The following LHPP variants were observed in gnomAD, a reference collection of about 807,000 sequenced individuals.
LHPP encodes the protein phospholysine phosphohistidine inorganic pyrophosphate phosphatase.
A neutral mutation model predicts 30.3 loss-of-function variants in LHPP; 24 were observed. The ratio of observed to expected loss-of-function variants is 0.79; its 90% CI spans 0.57 to 1.11. The LOEUF (loss-of-function observed/expected upper bound fraction) is 1.11. Among genes scored for constraint, LHPP ranks in the 50% most tolerant of loss-of-function variants. LHPP has a pLI of 0.00. For missense variants in LHPP, 356 were observed against 367.2 expected (o/e 0.97, Z 0.25); for synonymous variants, 150 against 157.1 (o/e 0.95, Z 0.34).
chr10:124,473,844 C>G (rs1415831088), intron 1 of LHPP, among the ~76,000 whole-genome samples: 1 of 152,064 alleles, frequency 6.6e-6, no homozygotes, highest in Non-Finnish European at 1.5e-5. Context: ...ATACCAACTA[C>G]TCAGGAGACT....
At chr10:124,550,104 T>G (rs919644863) in intron 6 of LHPP, among the ~76,000 whole-genome samples, 17 of 152,236 alleles carry the variant, frequency 1.1e-4, no homozygotes, top group Non-Finnish European at 2.5e-4. Context: ...GCCAGGCTCC[T>G]CGTTGCAAAT....
intron 6 of LHPP, among the ~76,000 whole-genome samples, chr10:124,531,285 G>A (rs1954896784): frequency 6.6e-6 from 1 of 152,236 alleles, no homozygotes; most frequent in Non-Finnish European, 1.5e-5. Context: ...TGGGCTGGCT[G>A]CCATGTCAAG....
At chr10:124,467,577 A>G (rs1466832300) in intron 1 of LHPP, among the ~76,000 whole-genome samples, 5 of 140,030 alleles carry the variant, frequency 3.6e-5, no homozygotes, top group African/African-American at 1.1e-4. Context: ...GAGTGCAGTG[A>G]CACAATCACG....
At chr10:124,530,856 G>A (rs1954883346) in intron 6 of LHPP, among the ~76,000 whole-genome samples, 1 of 152,210 alleles carries the variant, frequency 6.6e-6, no homozygotes, top group African/African-American at 2.4e-5. Context: ...TGCAGCCCTG[G>A]ATTCCCTGGG....
In LHPP at chr10:124,500,622, ACATGGCCAACAGG is replaced by A. The variant is rs1953870060; in HGVS notation, c.624+2498_624+2510del. On this transcript the variant is annotated intron_variant, in intron 5 of 6. Coordinates refer to ENST00000368842, the MANE Select transcript of LHPP (RefSeq NM_022126.4). Reference sequence around the variant, plus strand: ...TAAATACAATACATTAAAACTCCTAACATGGCCAACAGGCATACAAAAAGATACTCAATATCAT... The same window carrying A: ...TAAATACAATACATTAAAACTCCTAACATACAAAAAGATACTCAATATCAT... 2.0e-5 allele frequency among the ~76,000 whole-genome samples: 3 copies of A among 152,048 alleles called. 1 individual carries two copies. The highest frequency in any genetic ancestry group is 7.3e-5 in the African/African-American group (3 of 41,300).
intron 6 of LHPP, among the ~76,000 whole-genome samples, chr10:124,565,235 T>A (rs2133974688): frequency 6.6e-6 from 1 of 152,190 alleles, no homozygotes; most frequent in South Asian, 2.1e-4. Context: ...CTCCCCTGCT[T>A]GGAAATAATT....
chr10:124,498,014 A>C (rs534445396), intron 4 of LHPP, 22 bp from the exon 5 acceptor site: 5 of 1,593,622 alleles, frequency 3.1e-6, no homozygotes, highest in Non-Finnish European at 3.4e-6. Context: ...AACTTATGCC[A>C]TGTCCCTCTC....
intron 6 of LHPP, among the ~76,000 whole-genome samples, chr10:124,602,903 G>A (rs1038350118): frequency 6.6e-6 from 1 of 152,216 alleles, no homozygotes; most frequent in Non-Finnish European, 1.5e-5. Flanking sequence ...CCACACATGT[G>A]CACACAGGGA....
At chr10:124,465,156 C>T (rs1564762137) in intron 1 of LHPP, among the ~76,000 whole-genome samples, 1 of 152,080 alleles carries the variant, frequency 6.6e-6, no homozygotes, top group Non-Finnish European at 1.5e-5. Context: ...AGGCACTGGA[C>T]AGACCCGGAG....
At chr10:124,612,559 G>A (rs1326228370) in intron 6 of LHPP, among the ~76,000 whole-genome samples, 1 of 152,136 alleles carries the variant, frequency 6.6e-6, no homozygotes, top group Non-Finnish European at 1.5e-5. Context: ...AAGTCCCCTG[G>A]CAGGGCCCGG....
chr10:124,481,168 G>A (rs753623272), intron 1 of LHPP, among the ~76,000 whole-genome samples: 7 of 152,136 alleles, frequency 4.6e-5, no homozygotes, highest in Non-Finnish European at 8.8e-5. Context: ...AGACAATTGC[G>A]TAAATCAGAT....
chr10:124,480,600 G>A (rs997101160), intron 1 of LHPP, among the ~76,000 whole-genome samples: 7 of 152,130 alleles, frequency 4.6e-5, no homozygotes, highest in Admixed American at 1.3e-4. Flanking sequence ...CAAATCACAC[G>A]TTCCAGGTGC....
rs1047574363 is a variant in LHPP at position 124,520,123 on chromosome 10, G to A, written c.716+2852G>A. Reference sequence around the variant, plus strand: ...GCTAGGATTACAGGTGTGAGCCACCGCGCCCGGCCTCTTTCTTTTTTTTTT... The same window carrying A: ...GCTAGGATTACAGGTGTGAGCCACCACGCCCGGCCTCTTTCTTTTTTTTTT... On this transcript the variant is annotated intron_variant, in intron 6 of 6. Coordinates refer to ENST00000368842, the MANE Select transcript of LHPP (RefSeq NM_022126.4). Among the ~76,000 whole-genome samples the A allele has an allele frequency of 1.5e-4, 23 of 152,000 alleles. 2 individuals carry two copies. The South Asian group carries it at 4.8e-3, about 32-fold the overall frequency.
chr10:124,462,005 C>G lies in LHPP; in HGVS notation c.125+18C>G, dbSNP rs1952412445. The G allele has an allele frequency of 8.3e-7, 1 of 1,206,638 alleles. No individual in the cohort carries two copies. The highest frequency in any genetic ancestry group is 1.0e-6 in the Non-Finnish European group (1 of 970,474). 74.7% of individuals were successfully genotyped at this position (1,206,638 alleles called of 1,614,324 possible). A position where few individuals can be genotyped will look rare whatever the true frequency, so the allele number is the denominator to read the frequency against. On this transcript the variant is annotated intron_variant, in intron 1 of 6. Transcript: ENST00000368842. The stretch of plus-strand genomic sequence containing the variant: ...GTGGCCAGGTGAGTGGGCCCCGGGA[C>G]GCCGCTGGGGCCGCCGAGCTCTAAG...
intron 6 of LHPP, among the ~76,000 whole-genome samples, chr10:124,549,287 G>A (rs1179700840): frequency 6.6e-6 from 1 of 152,074 alleles, no homozygotes; most frequent in African/African-American, 2.4e-5. Context: ...AAATAAATTA[G>A]CAGGGCATGA....
Position 124,576,730 on chromosome 10 carries a change from G to T in LHPP, c.717-36534G>T, listed in dbSNP as rs897437524. Among the ~76,000 whole-genome samples, 27 of 152,108 alleles carry T rather than the reference G, an allele frequency of 1.8e-4. No homozygotes were observed. Among genetic ancestry groups the T allele is most frequent in the Admixed American group, 1.5e-3 (23 of 15,278 alleles). On this transcript the variant is annotated intron_variant, in intron 6 of 6. Transcript: ENST00000368842. The surrounding 1 kb of genome is among the most constrained non-coding windows in gnomAD (Gnocchi z 4.2). ...GCGGGGGTACTGGGGGGCTGAGGGGGGTTCTTTAGGGCAGGAGTTACCTGC... is the reference window on the plus strand; with the variant it reads ...GCGGGGGTACTGGGGGGCTGAGGGGTGTTCTTTAGGGCAGGAGTTACCTGC...
At chr10:124,544,465 C>G (rs1955281583) in intron 6 of LHPP, among the ~76,000 whole-genome samples, 9 of 152,212 alleles carry the variant, frequency 5.9e-5, no homozygotes, top group Non-Finnish European at 2.9e-5. Context: ...GTGTCCACTC[C>G]CAACAAGTAT....
Position 124,478,680 on chromosome 10 carries a change from A to G in LHPP, c.126-5459A>G, listed in dbSNP as rs1041939345. ...TTGTAAGGGCCGGTTCATCTGATGC[A>G]CGGTAATTGCCCCGGGCGATGTTGT... On this transcript the variant is annotated intron_variant, in intron 1 of 6. Coordinates refer to ENST00000368842, the MANE Select transcript of LHPP (RefSeq NM_022126.4). This position sits in a 1 kb window ranked among gnomAD's most constrained non-coding sequence, Gnocchi z 4.7. Among the ~76,000 whole-genome samples, 3 of 152,188 alleles carry G rather than the reference A, an allele frequency of 2.0e-5. No individual in the cohort carries two copies. Among genetic ancestry groups the G allele is most frequent in the African/African-American group, 7.2e-5 (3 of 41,446 alleles).
At chr10:124,591,106 G>T (rs1948878195) in intron 6 of LHPP, among the ~76,000 whole-genome samples, 1 of 152,194 alleles carries the variant, frequency 6.6e-6, no homozygotes, top group African/African-American at 2.4e-5. Context: ...GGGCACCGCG[G>T]GTGGGTGTTA....
Sources: allele counts gnomAD v4.1 joint callset (sites outside exome capture counted in the v4.1 genomes callset), GRCh38; gene constraint gnomAD v4.1.1; non-coding constraint Gnocchi (gnomAD v3.1); transcripts MANE v1.5; gene names NCBI Gene and HGNC (gene_info 2026-07-23, HGNC 2026-07-21).